Variants in SOX6 observed in about 807,000 individuals in gnomAD.
SOX6 encodes transcription factor SOX-6.
A neutral mutation model predicts 97.8 loss-of-function variants in SOX6; 11 were observed. That is an observed-to-expected ratio of 0.11 (90% confidence interval 0.07 to 0.19). The LOEUF (loss-of-function observed/expected upper bound fraction) is 0.19. Among genes scored for constraint, SOX6 ranks in the 10% least tolerant of loss-of-function variants. SOX6 has a pLI of 1.00. For synonymous variants in SOX6, 360 were observed against 371.4 expected (o/e 0.97, Z 0.35); for missense variants, 810 against 1,039.5 (o/e 0.78, Z 3.04).
At chr11:16,361,012 A>AAG (rs1554961476), upstream of SOX6, among the ~76,000 whole-genome samples, 12 of 149,598 alleles carry the variant, frequency 8.0e-5, no homozygotes, top group South Asian at 2.1e-4. Context: ...CAAAAAAAAA[A>AAG]AAGAAGAAGA....
At chr11:16,644,469 C>T (rs1848980180) in intron 3 of SOX6, among the ~76,000 whole-genome samples, 1 of 152,170 alleles carries the variant, frequency 6.6e-6, no homozygotes, top group Non-Finnish European at 1.5e-5. Flanking sequence ...AAAATTTTTG[C>T]AGCAGTCTCT....
intron 4 of SOX6, among the ~76,000 whole-genome samples, chr11:16,204,879 G>C (rs147166677): frequency 0.014 from 2,165 of 152,166 alleles, 18 homozygotes; most frequent in Non-Finnish European, 0.022. Context: ...ATTAGCTAGT[G>C]ACAGAGTTAG....
intron 3 of SOX6, among the ~76,000 whole-genome samples, chr11:16,647,003 G>A (rs1849024888): frequency 6.6e-6 from 1 of 152,206 alleles, no homozygotes; most frequent in African/African-American, 2.4e-5. Flanking sequence ...ATTCCCAGCA[G>A]CAGTGTATAA....
intron 3 of SOX6, among the ~76,000 whole-genome samples, chr11:16,244,979 C>T (rs1853295971): frequency 6.6e-6 from 1 of 151,540 alleles, no homozygotes; most frequent in Non-Finnish European, 1.5e-5. Context: ...ATTGGTTTGC[C>T]TACCAAAAAA....
chr11:16,499,717 G>A (rs1860668719), intron 4 of SOX6, among the ~76,000 whole-genome samples: 1 of 152,116 alleles, frequency 6.6e-6, no homozygotes, highest in South Asian at 2.1e-4. Flanking sequence ...TAGAAGAAAT[G>A]GATAAATTCC....
intron 3 of SOX6, among the ~76,000 whole-genome samples, chr11:16,637,378 G>A (rs1848806653): frequency 6.6e-6 from 1 of 151,920 alleles, no homozygotes; most frequent in Admixed American, 6.6e-5. Context: ...GCACTACCAT[G>A]CCCAGCTAAT....
chr11:16,307,125 A>G (rs1028700972), intron 3 of SOX6, among the ~76,000 whole-genome samples: 6 of 152,136 alleles, frequency 3.9e-5, no homozygotes, highest in African/African-American at 1.4e-4. Flanking sequence ...AGTAATATAA[A>G]ATGGGGCTTG....
intron 3 of SOX6, among the ~76,000 whole-genome samples, chr11:16,671,296 G>A (rs984292859): frequency 6.6e-6 from 1 of 152,194 alleles, no homozygotes; most frequent in African/African-American, 2.4e-5. Context: ...TAACCAGGCT[G>A]AGCTGGCTGA....
At chr11:16,382,866 T>C (rs1240882839) in intron 1 of SOX6, among the ~76,000 whole-genome samples, 1 of 151,810 alleles carries the variant, frequency 6.6e-6, no homozygotes, top group Non-Finnish European at 1.5e-5. Flanking sequence ...CTAGGCAGAC[T>C]AGCTAAAGAC....
At chr11:16,482,615 A>T (rs770345078) in intron 4 of SOX6, among the ~76,000 whole-genome samples, 1 of 152,172 alleles carries the variant, frequency 6.6e-6, no homozygotes, top group Non-Finnish European at 1.5e-5. Flanking sequence ...TATGTCTGCC[A>T]AGTTTTTAAG....
chr11:16,307,201 A>G (rs985827864), intron 3 of SOX6, among the ~76,000 whole-genome samples: 2 of 152,232 alleles, frequency 1.3e-5, no homozygotes, highest in Non-Finnish European at 2.9e-5. Context: ...AGAAATTGAT[A>G]TCATTAGCCA....
chr11:16,678,265 C>T (rs772672533), intron 3 of SOX6, among the ~76,000 whole-genome samples: 20 of 152,044 alleles, frequency 1.3e-4, no homozygotes, highest in Non-Finnish European at 2.4e-4. Flanking sequence ...TTTTCTTGTT[C>T]TCTAATGCAG....
Position 16,719,447 on chromosome 11 carries a change from T to A in SOX6, n.354-4542A>T, listed in dbSNP as rs755593496. Among the ~76,000 whole-genome samples the A allele has an allele frequency of 1.8e-4, 27 of 152,330 alleles. 1 individual carries two copies. Among genetic ancestry groups the A allele is most frequent in the Non-Finnish European group, 3.5e-4 (24 of 68,018 alleles). Reference sequence around the variant, plus strand: ...AGTCCCTACACATTCAGCACTCCCCTGAAAGAAAACCCAGTTATCAGTTTT... The same window carrying A: ...AGTCCCTACACATTCAGCACTCCCCAGAAAGAAAACCCAGTTATCAGTTTT... On this transcript the variant is annotated intron_variant and non_coding_transcript_variant, in intron 2 of 5. Coordinates refer to the SOX6 transcript ENST00000524520.
chr11:16,647,302 C>T (rs569941080), intron 3 of SOX6, among the ~76,000 whole-genome samples: 12 of 152,132 alleles, frequency 7.9e-5, no homozygotes, highest in Non-Finnish European at 1.5e-4. Context: ...TCCCTCTCTG[C>T]TAATTTGAAT....
chr11:16,131,672 A>G (rs1849743024), intron 6 of SOX6, among the ~76,000 whole-genome samples: 1 of 152,082 alleles, frequency 6.6e-6, no homozygotes, highest in African/African-American at 2.4e-5. Flanking sequence ...AATCAACTCA[A>G]TGACCATTAA....
At chr11:16,449,655 A>G (rs1217242557) in intron 1 of SOX6, among the ~76,000 whole-genome samples, 1 of 152,154 alleles carries the variant, frequency 6.6e-6, no homozygotes, top group East Asian at 1.9e-4. Context: ...ATAAGCAGAC[A>G]TACATCTCCA....
intron 1 of SOX6, among the ~76,000 whole-genome samples, chr11:16,378,385 TACTC>T (rs1857705677): frequency 6.6e-6 from 1 of 151,970 alleles, no homozygotes; most frequent in Non-Finnish European, 1.5e-5. Flanking sequence ...GAAAAACAAA[TACTC>T]AAGAATAACC....
At chr11:16,709,992 C>G (rs545052475) in intron 3 of SOX6, among the ~76,000 whole-genome samples, 1 of 152,254 alleles carries the variant, frequency 6.6e-6, no homozygotes, top group South Asian at 2.1e-4. Flanking sequence ...TATTTATTTA[C>G]TTTCAAATGC....
intron 1 of SOX6, among the ~76,000 whole-genome samples, chr11:16,737,740 A>G (rs1409426809): frequency 2.6e-5 from 4 of 152,036 alleles, no homozygotes; most frequent in African/African-American, 9.7e-5. Context: ...AGAAATGGGG[A>G]GGGATTGCTA....
Sources: gnomAD v4.1 joint callset for allele counts (sites outside exome capture counted in the v4.1 genomes callset) on GRCh38, gnomAD v4.1.1 for gene constraint, MANE v1.5 for transcripts, NCBI Gene and HGNC (gene_info 2026-07-23, HGNC 2026-07-21) for gene names.